SEPTIN12: variants seen among roughly 807,000 people sequenced by gnomAD.
SEPTIN12 encodes the protein septin 12, also known as septin-12.
A neutral mutation model predicts 37.7 loss-of-function variants in SEPTIN12; 42 were observed. The observed-to-expected ratio is 1.11, with a 90% CI of 0.87 to 1.44. SEPTIN12 has a LOEUF of 1.44. Among genes scored for constraint, SEPTIN12 ranks in the 40% most tolerant of loss-of-function variants. SEPTIN12 has a pLI of 0.00. For synonymous variants in SEPTIN12, 254 were observed against 196.7 expected, an observed-to-expected ratio of 1.29 and a Z score of -2.44; for missense variants, 613 against 479.2, an observed-to-expected ratio of 1.28 and a Z score of -2.61.
upstream of SEPTIN12, among the ~76,000 whole-genome samples, chr16:4,791,777 TC>T (rs1386987461): frequency 6.6e-6 from 1 of 152,120 alleles, no homozygotes; most frequent in Non-Finnish European, 1.5e-5. Flanking sequence ...AACCTCTGCC[TC>T]CCGGGTTCAA....
intron 4 of SEPTIN12, 43 bp from the exon 5 acceptor site, chr16:4,784,111 C>A (rs2082406846): frequency 3.7e-6 from 6 of 1,609,266 alleles, no homozygotes; most frequent in Non-Finnish European, 5.1e-6. Flanking sequence ...TGTGCTGTGC[C>A]CAGAGAGCCC....
At chr16:4,785,938 G>A in intron 3 of SEPTIN12, 42 bp downstream of exon 3, 1 of 1,608,074 alleles carries the variant, frequency 6.2e-7, no homozygotes, top group Non-Finnish European at 8.5e-7. Context: ...GTGGGATGGG[G>A]TGGGGCAGGG....
In SEPTIN12 at chr16:4,779,699, T is replaced by C. The variant is rs905017201; in HGVS notation, c.814A>G (p.Ile272Val). The change falls in exon 8 of 10, where the codon ATC becomes GTC. Residue 272 changes from isoleucine to valine, a missense_variant. Coordinates refer to ENST00000268231, the MANE Select transcript of SEPTIN12 (RefSeq NM_144605.5). ...GGGGCCCCGCACTGACCTTCAATGA[T>C]GCCCCACTTGGTCTTCCGGCCCAGG... Reference protein sequence around the residue: ...CVLGRKTKWGIIEVENMAHCE... With the variant: ...CVLGRKTKWGVIEVENMAHCE... The C allele has an allele frequency of 1.9e-6, 3 of 1,609,850 alleles. No individual in the cohort carries two copies. Among genetic ancestry groups the C allele is most frequent in the Admixed American group, 1.7e-5 (1 of 59,960 alleles).
chr16:4,781,735 C>G (rs1351067108), intron 7 of SEPTIN12, among the ~76,000 whole-genome samples: 1 of 147,878 alleles, frequency 6.8e-6, no homozygotes, highest in Non-Finnish European at 1.5e-5. Context: ...ATCTCCATCT[C>G]CTGGGTTCAA....
chr16:4,777,954 T>A lies in SEPTIN12; in HGVS notation c.920A>T (p.Tyr307Phe). 6.2e-7 allele frequency: 1 copy of A among 1,610,872 alleles called. No homozygotes were observed. Among genetic ancestry groups the A allele is most frequent in the African/African-American group, 1.3e-5 (1 of 75,026 alleles). ...GAGTCTGATGACGCGGTAGTTCTCA[T>A]AGTGGATGTTGTGGGTTATGTCCTT... is the stretch of plus-strand genomic sequence containing the variant. Reference protein sequence around the residue: ...DLKDITHNIHYENYRVIRLNE... With the variant: ...DLKDITHNIHFENYRVIRLNE... Residue 307 changes from tyrosine to phenylalanine, a missense_variant, in exon 10 of 10, where the codon TAT (tyrosine) becomes TTT (phenylalanine). Tyr to Phe is a conservative substitution (Grantham distance 22). Transcript: ENST00000268231.
Position 4,787,328 on chromosome 16 carries a change from C to A in SEPTIN12, c.166+152G>T. The A allele has an allele frequency of 6.6e-6, 5 of 754,062 alleles. 1 individual carries two copies. In the South Asian group the frequency reaches 7.7e-5, roughly 12 times the overall value. The allele number at this position is 754,062 out of a possible 1,614,324, so 46.7% of individuals were successfully genotyped here. A position where few individuals can be genotyped will look rare whatever the true frequency, so the allele number is the denominator to read the frequency against. On this transcript the variant is annotated intron_variant, in intron 2 of 9. Transcript: ENST00000268231. The stretch of plus-strand genomic sequence containing the variant: ...TGTCTTTTAATGACTCAGCATTTCT[C>A]AAATTTTCAATGACAACATCCCTGT...
intron 4 of SEPTIN12, among the ~76,000 whole-genome samples, chr16:4,785,205 TGTGCCACTGCACTCTG>T (rs1208719768): frequency 6.6e-6 from 1 of 151,368 alleles, no homozygotes; most frequent in African/African-American, 2.4e-5. Context: ...GAGCAGAGAT[TGTGCCACTGCACTCTG>T]GCCTGGGTGA....
intron 2 of SEPTIN12, among the ~76,000 whole-genome samples, chr16:4,786,982 C>T (rs576516532): frequency 8.2e-4 from 125 of 152,230 alleles, no homozygotes; most frequent in Non-Finnish European, 1.0e-3. Flanking sequence ...TCAAGCAATT[C>T]TCCTGCCTTA....
At chr16:4,788,781 G>C (rs187056496), upstream of SEPTIN12, 15 of 152,334 alleles carry the variant, frequency 9.8e-5, no homozygotes, top group East Asian at 2.9e-3. Context: ...AGTAAGTGCT[G>C]TTACTACCCC....
chr16:4,785,778 A>G (rs774887440), intron 4 of SEPTIN12, 29 bp downstream of exon 4: 2 of 620,180 alleles, frequency 3.2e-6, no homozygotes, highest in South Asian at 4.8e-5. Context: ...AACTCTGCCT[A>G]AAAAAAAAAA....
intron 1 of SEPTIN12, chr16:4,787,961 G>C (rs576379881): frequency 3.4e-6 from 1 of 293,156 alleles, no homozygotes; most frequent in South Asian, 5.4e-5. Flanking sequence ...CCCCAGCAGA[G>C]CCTGGAGGGC....
Position 4,783,969 on chromosome 16 carries a change from C to T in SEPTIN12, c.474G>A (p.Val158=), listed in dbSNP as rs759991. ...TRQRHIPDTR[V]HCCVYFVPPT... is the part of the protein sequence containing the mutation. ...GTGGTACAAAGTACACGCAGCAGTG[C>T]ACCCGGGTGTCTGGGATGTGGCGCT... is the stretch of plus-strand genomic sequence containing the variant. Residue 158 remains valine (V), a synonymous_variant, in exon 5 of 10, where the codon GTG becomes GTA. Coordinates refer to ENST00000268231, the MANE Select transcript of SEPTIN12 (RefSeq NM_144605.5). 0.27 allele frequency: 440,052 copies of T among 1,613,832 alleles called. 62,103 individuals carry two copies. Among genetic ancestry groups the T allele is most frequent in the South Asian group, 0.41 (36,884 of 91,060 alleles).
At chr16:4,778,206 A>G (rs546839401) in intron 8 of SEPTIN12, 69 bp from the exon 9 acceptor site, 1 of 1,470,714 alleles carries the variant, frequency 6.8e-7, no homozygotes, top group East Asian at 2.3e-5. Flanking sequence ...TGTATGCACC[A>G]CCTGACACCA....
At chr16:4,786,208 C>A in intron 2 of SEPTIN12, 103 bp from the exon 3 acceptor site, 2 of 1,421,992 alleles carry the variant, frequency 1.4e-6, no homozygotes, top group Non-Finnish European at 1.9e-6. Context: ...GGTTCTCACT[C>A]TGTCACCCAG....
At chr16:4,784,797 AT>A (rs2082416976) in intron 4 of SEPTIN12, among the ~76,000 whole-genome samples, 1 of 151,060 alleles carries the variant, frequency 6.6e-6, no homozygotes, top group Admixed American at 6.6e-5. Flanking sequence ...AAATAAATAA[AT>A]AAATAAATAA....
intron 8 of SEPTIN12, among the ~76,000 whole-genome samples, chr16:4,778,862 G>A (rs573686680): frequency 4.6e-5 from 7 of 151,526 alleles, no homozygotes; most frequent in East Asian, 1.9e-4. Context: ...TCACCTGACC[G>A]GGCGCGGTGG....
At chr16:4,783,823 G>A in intron 5 of SEPTIN12, 57 bp from the exon 6 acceptor site, 2 of 1,599,406 alleles carry the variant, frequency 1.3e-6, no homozygotes, top group African/African-American at 1.3e-5. Context: ...ATAAACGACA[G>A]CAGCAGGGCA....
At chr16:4,787,323 T>G in intron 2 of SEPTIN12, 157 bp downstream of exon 2, 1 of 728,374 alleles carries the variant, frequency 1.4e-6, no homozygotes, top group Non-Finnish European at 2.4e-6. Context: ...TGACTCAGCA[T>G]TTCTCAAATT....
rs1047489231 is a variant in SEPTIN12 at position 4,783,213 on chromosome 16, G to A, written c.726+249C>T. The stretch of plus-strand genomic sequence containing the variant: ...CGTGAGCCACTGTGCCCGGCCCAAT[G>A]TTCTCTATATATTCAGGATACAAGC... On this transcript the variant is annotated intron_variant, in intron 7 of 9. Coordinates refer to ENST00000268231, the MANE Select transcript of SEPTIN12 (RefSeq NM_144605.5). 7.8e-6 allele frequency: 4 copies of A among 511,092 alleles called. No homozygotes were observed. The Middle Eastern group carries it at 1.6e-3, about 206-fold the overall frequency. 31.7% of individuals were successfully genotyped at this position (511,092 alleles called of 1,614,324 possible). A position where few individuals can be genotyped will look rare whatever the true frequency, so the allele number is the denominator to read the frequency against.
Sources: allele counts gnomAD v4.1 joint callset (sites outside exome capture counted in the v4.1 genomes callset), GRCh38; gene constraint gnomAD v4.1.1; transcripts MANE v1.5; gene names NCBI Gene and HGNC (gene_info 2026-07-23, HGNC 2026-07-21).